Variants in DCDC2 observed in about 807,000 individuals in gnomAD.
The protein encoded by DCDC2 is doublecortin domain-containing protein 2.
DCDC2 carries 40 observed loss-of-function variants against 50.2 expected under a neutral mutation model. The ratio of observed to expected loss-of-function variants is 0.80; its 90% CI spans 0.62 to 1.04. DCDC2 has a LOEUF of 1.04. Among genes scored for constraint, DCDC2 ranks in the 50% least tolerant of loss-of-function variants. The pLI, the probability that DCDC2 is intolerant of heterozygous loss-of-function variation, is 0.00. For missense variants in DCDC2, 570 were observed against 581.9 expected, an observed-to-expected ratio of 0.98 and a Z score of 0.21; for synonymous variants, 234 against 210.6, an observed-to-expected ratio of 1.11 and a Z score of -0.96.
At chr6:24,219,936 G>T (rs1762062843) in intron 7 of DCDC2, among the ~76,000 whole-genome samples, 1 of 152,212 alleles carries the variant, frequency 6.6e-6, no homozygotes, top group African/African-American at 2.4e-5. Context: ...TGCTTCCGAG[G>T]AGGAAAGGAG....
the DCDC2 span, among the ~76,000 whole-genome samples, chr6:24,378,726 G>A: frequency 1.3e-5 from 2 of 152,112 alleles, no homozygotes; most frequent in South Asian, 2.1e-4. Context: ...ACTTTCAGCT[G>A]TCCTGCAGGC....
intron 2 of DCDC2, among the ~76,000 whole-genome samples, chr6:24,320,719 T>A (rs1312184888): frequency 6.6e-6 from 1 of 152,178 alleles, no homozygotes; most frequent in Non-Finnish European, 1.5e-5. Flanking sequence ...TTTGTATGTA[T>A]GTATAGTTAT....
chr6:24,273,042 T>A (rs1763274012), intron 7 of DCDC2, among the ~76,000 whole-genome samples: 1 of 131,200 alleles, frequency 7.6e-6, no homozygotes, highest in Non-Finnish European at 1.6e-5. Flanking sequence ...ACTTTGTGGG[T>A]ATGTGTATAT....
At chr6:24,176,373 G>A (rs955552082) in intron 9 of DCDC2, among the ~76,000 whole-genome samples, 2 of 151,432 alleles carry the variant, frequency 1.3e-5, no homozygotes, top group Non-Finnish European at 2.9e-5. Flanking sequence ...GAATTCCCAA[G>A]AATTTAGATT....
intron 7 of DCDC2, among the ~76,000 whole-genome samples, chr6:24,266,910 C>T (rs1025447341): frequency 3.3e-5 from 5 of 152,112 alleles, no homozygotes; most frequent in African/African-American, 1.2e-4. Flanking sequence ...AAGCTACGTG[C>T]TCATCAACAG....
At chr6:24,298,183 T>C (rs2113835605) in intron 4 of DCDC2, among the ~76,000 whole-genome samples, 1 of 152,336 alleles carries the variant, frequency 6.6e-6, no homozygotes, top group Non-Finnish European at 1.5e-5. Context: ...CACAATAGGC[T>C]TCATGCTCCT....
At chr6:24,331,372 C>G (rs1759962533) in intron 2 of DCDC2, among the ~76,000 whole-genome samples, 1 of 151,640 alleles carries the variant, frequency 6.6e-6, no homozygotes, top group African/African-American at 2.4e-5. Context: ...ACAATCACAG[C>G]TCACTGCAAC....
the DCDC2 span, among the ~76,000 whole-genome samples, chr6:24,369,437 C>T: frequency 0.041 from 6,243 of 151,980 alleles, 182 homozygotes; most frequent in Middle Eastern, 0.082. Flanking sequence ...GGTGATACCC[C>T]GTCTTTACTA....
chr6:24,257,635 G>A (rs775446784), intron 7 of DCDC2, among the ~76,000 whole-genome samples: 2 of 151,724 alleles, frequency 1.3e-5, no homozygotes, highest in Admixed American at 1.3e-4. Flanking sequence ...AAAGACACGC[G>A]ATCGAGAAAC....
chr6:24,228,125 T>C (rs1762269756), intron 7 of DCDC2, among the ~76,000 whole-genome samples: 1 of 152,242 alleles, frequency 6.6e-6, no homozygotes, highest in Non-Finnish European at 1.5e-5. Flanking sequence ...GAATTATCAG[T>C]ATCTTAAATA....
chr6:24,180,313 C>T (rs1322846745), intron 8 of DCDC2, among the ~76,000 whole-genome samples: 1 of 151,930 alleles, frequency 6.6e-6, no homozygotes, highest in Non-Finnish European at 1.5e-5. Flanking sequence ...GAGACAGAGT[C>T]TTGCTCTGTC....
the DCDC2 span, among the ~76,000 whole-genome samples, chr6:24,372,257 A>G: frequency 3.3e-5 from 5 of 152,084 alleles, no homozygotes; most frequent in African/African-American, 1.2e-4. Context: ...CCTCTCTACT[A>G]AAAACACAAA....
chr6:24,271,667 T>A (rs751784482), intron 7 of DCDC2, among the ~76,000 whole-genome samples: 28 of 152,140 alleles, frequency 1.8e-4, no homozygotes, highest in Non-Finnish European at 5.9e-5. Context: ...GTTCTTGGCA[T>A]TCTAAAGTGG....
intron 7 of DCDC2, among the ~76,000 whole-genome samples, chr6:24,230,852 T>C (rs1314668264): frequency 6.6e-6 from 1 of 152,228 alleles, no homozygotes; most frequent in Non-Finnish European, 1.5e-5. Context: ...TACTAGCTCC[T>C]TATCCTTTTA....
At chr6:24,326,622 C>A (rs1411289303) in intron 2 of DCDC2, among the ~76,000 whole-genome samples, 3 of 148,648 alleles carry the variant, frequency 2.0e-5, no homozygotes, top group Admixed American at 2.0e-4. Context: ...TTTGGGAGGC[C>A]GAGGCATGTG....
chr6:24,333,510 C>T (rs1760004234), intron 2 of DCDC2, among the ~76,000 whole-genome samples: 1 of 152,162 alleles, frequency 6.6e-6, no homozygotes, highest in Non-Finnish European at 1.5e-5. Context: ...TCTTTGCTAT[C>T]TCTAGTGCAG....
chr6:24,329,149 G>A (rs537027680), intron 2 of DCDC2, among the ~76,000 whole-genome samples: 1 of 152,104 alleles, frequency 6.6e-6, no homozygotes, highest in African/African-American at 2.4e-5. Flanking sequence ...CCCTACTGAC[G>A]GAAACACATA....
In DCDC2 at chr6:24,246,249, T is replaced by G. The variant is rs544144107; in HGVS notation, c.922+31800A>C. ...ATTCTGCAAGCTGAATATTTTTCCATAAGATAGGTATAAATCATGAAATGA... is the reference window on the plus strand; with the variant it reads ...ATTCTGCAAGCTGAATATTTTTCCAGAAGATAGGTATAAATCATGAAATGA... On this transcript the variant is annotated intron_variant, in intron 7 of 9. Coordinates refer to ENST00000378454, the MANE Select transcript of DCDC2 (RefSeq NM_016356.5). 2.0e-4 allele frequency among the ~76,000 whole-genome samples: 31 copies of G among 152,184 alleles called. 1 individual carries two copies. The highest frequency in any genetic ancestry group is 4.1e-4 in the South Asian group (2 of 4,834).
the DCDC2 span, among the ~76,000 whole-genome samples, chr6:24,376,737 C>CAAAA: frequency 3.0e-3 from 139 of 46,700 alleles, 3 homozygotes; most frequent in African/African-American, 9.9e-3. Flanking sequence ...CAGGTATATG[C>CAAAA]AAAAAAAAAA....
Sources: gnomAD v4.1 joint callset for allele counts (sites outside exome capture counted in the v4.1 genomes callset) on GRCh38, gnomAD v4.1.1 for gene constraint, MANE v1.5 for transcripts, NCBI Gene and HGNC (gene_info 2026-07-23, HGNC 2026-07-21) for gene names.